The following COL22A1 variants were observed in gnomAD, a reference collection of about 807,000 sequenced individuals.
COL22A1 encodes collagen alpha-1(XXII) chain.
Under a neutral mutation model 248.9 loss-of-function variants are expected in COL22A1, and 221 were observed. The ratio of observed to expected loss-of-function variants is 0.89; its 90% CI spans 0.80 to 0.99. COL22A1 has a LOEUF of 0.99. Among genes scored for constraint, COL22A1 ranks in the 50% least tolerant of loss-of-function variants. The pLI, the probability that COL22A1 is intolerant of heterozygous loss-of-function variation, is 0.00. For missense variants in COL22A1, 2,240 were observed against 2,179.0 expected (o/e 1.03, Z -0.56); for synonymous variants, 891 against 793.4 (o/e 1.12, Z -2.07).
chr8:138,677,000 G>GCA (rs1825612705), intron 40 of COL22A1, among the ~76,000 whole-genome samples: 2 of 152,144 alleles, frequency 1.3e-5, no homozygotes, highest in African/African-American at 4.8e-5. Context: ...ATTTGCGCAT[G>GCA]CACCCACATT....
chr8:138,780,892 G>A, intron 13 of COL22A1, 35 bp downstream of exon 13: 2 of 1,586,604 alleles, frequency 1.3e-6, no homozygotes, highest in Non-Finnish European at 1.7e-6. Context: ...GCCTAGTACT[G>A]CCTTGTGAGC....
intron 27 of COL22A1, among the ~76,000 whole-genome samples, chr8:138,718,559 T>C (rs1326628378): frequency 6.6e-6 from 1 of 152,226 alleles, no homozygotes; most frequent in Non-Finnish European, 1.5e-5. Context: ...GCAGACAGCT[T>C]TACCCTCTAA....
intron 14 of COL22A1, 39 bp from the exon 15 acceptor site, chr8:138,778,445 G>C: frequency 6.5e-7 from 1 of 1,539,430 alleles, no homozygotes; most frequent in Non-Finnish European, 8.7e-7. Flanking sequence ...TTCAGGGATG[G>C]AAAAGAAAGG....
chr8:138,692,579 T>C (rs1334916511), intron 35 of COL22A1, among the ~76,000 whole-genome samples: 2 of 151,648 alleles, frequency 1.3e-5, no homozygotes, highest in Non-Finnish European at 2.9e-5. Flanking sequence ...CAATGATCCA[T>C]GACAGGAGAT....
intron 3 of COL22A1, among the ~76,000 whole-genome samples, chr8:138,854,369 G>A (rs2131918920): frequency 6.6e-6 from 1 of 152,274 alleles, no homozygotes; most frequent in African/African-American, 2.4e-5. Flanking sequence ...AATTTCAGTG[G>A]ATTCCATTTA....
At chr8:138,910,135 T>A (rs1363676294) in intron 1 of COL22A1, among the ~76,000 whole-genome samples, 1 of 152,224 alleles carries the variant, frequency 6.6e-6, no homozygotes, top group South Asian at 2.1e-4. Flanking sequence ...GGAATGGTCA[T>A]GTCATATGAT....
chr8:138,648,514 A>T (rs545892295), intron 46 of COL22A1, among the ~76,000 whole-genome samples: 1 of 152,372 alleles, frequency 6.6e-6, no homozygotes, highest in South Asian at 2.1e-4. Flanking sequence ...TACTTTAGAA[A>T]ACAGATCATT....
At chr8:138,901,584 C>A (rs1814577674) in intron 1 of COL22A1, among the ~76,000 whole-genome samples, 1 of 151,958 alleles carries the variant, frequency 6.6e-6, no homozygotes, top group South Asian at 2.1e-4. Flanking sequence ...CTAGGCTGGT[C>A]TCAAATTTCT....
chr8:138,912,765 T>C (rs1253161585), intron 1 of COL22A1, among the ~76,000 whole-genome samples: 1 of 145,350 alleles, frequency 6.9e-6, no homozygotes, highest in African/African-American at 2.5e-5. Flanking sequence ...AAAAAAAAAG[T>C]GTCAGGATGG....
chr8:138,695,476 C>T (rs1156728779), intron 32 of COL22A1, among the ~76,000 whole-genome samples: 4 of 152,094 alleles, frequency 2.6e-5, no homozygotes, highest in Non-Finnish European at 5.9e-5. Flanking sequence ...CCTGGAACTA[C>T]AGGTCCTCAC....
At chr8:138,875,920 G>A (rs1045275290) in intron 3 of COL22A1, among the ~76,000 whole-genome samples, 3 of 152,152 alleles carry the variant, frequency 2.0e-5, no homozygotes, top group Admixed American at 6.5e-5. Flanking sequence ...TCTGGGCATC[G>A]ATTTCCACCT....
At chr8:138,610,790 A>G (rs1818795312) in intron 56 of COL22A1, among the ~76,000 whole-genome samples, 1 of 152,196 alleles carries the variant, frequency 6.6e-6, no homozygotes, top group African/African-American at 2.4e-5. Context: ...CCAGCCAACC[A>G]TGGTGGCTTA....
intron 46 of COL22A1, among the ~76,000 whole-genome samples, chr8:138,648,810 T>C (rs1026807453): frequency 2.0e-5 from 3 of 152,200 alleles, no homozygotes; most frequent in Non-Finnish European, 4.4e-5. Flanking sequence ...AATTACCAGG[T>C]GAATCTAAGA....
intron 21 of COL22A1, 117 bp downstream of exon 21, chr8:138,755,040 G>T: frequency 1.0e-6 from 1 of 1,000,860 alleles, no homozygotes; most frequent in Non-Finnish European, 1.5e-6. Context: ...CCACTCAGGT[G>T]ATGTGAAGGC....
intron 63 of COL22A1, 42 bp from the exon 64 acceptor site, chr8:138,591,543 G>A (rs746235003): frequency 1.6e-5 from 23 of 1,450,068 alleles, no homozygotes; most frequent in Non-Finnish European, 2.0e-5. Flanking sequence ...GAGACCCCCG[G>A]GGAGGACAGA....
At chr8:138,862,560 T>G (rs1301413521) in intron 3 of COL22A1, among the ~76,000 whole-genome samples, 1 of 152,158 alleles carries the variant, frequency 6.6e-6, no homozygotes, top group African/African-American at 2.4e-5. Context: ...CCACTGTGTT[T>G]ATGTCCTACA....
intron 1 of COL22A1, 74 bp from the exon 2 acceptor site, chr8:138,883,318 C>T: frequency 1.3e-6 from 1 of 788,958 alleles, no homozygotes; most frequent in Non-Finnish European, 2.0e-6. Context: ...TGGGCCCTGC[C>T]CAGGGGGATT....
intron 4 of COL22A1, among the ~76,000 whole-genome samples, chr8:138,840,986 T>C (rs1381440992): frequency 6.6e-6 from 1 of 152,190 alleles, no homozygotes; most frequent in African/African-American, 2.4e-5. Context: ...AAATTCATGC[T>C]GAGTTACAGA....
Position 138,662,072 on chromosome 8 carries a change from G to A in COL22A1, c.3198C>T (p.Gly1066=), listed in dbSNP as rs764676231. 1.9e-6 allele frequency: 3 copies of A among 1,612,320 alleles called. No homozygotes were observed. The East Asian group carries it at 6.7e-5, about 36-fold the overall frequency. Residue 1066 remains glycine (G), a synonymous_variant, in exon 43 of 65, where the codon GGC becomes GGT. Transcript: ENST00000303045. The stretch of plus-strand genomic sequence containing the variant: ...CCTGGGGGCCAGGGAATCCAGGTAA[G>A]CCTCGTGATCCCTGAAGAAAAAGAA... ...PGDKGSPGSR[G]LPGFPGPQGP...
Sources: gnomAD v4.1 joint callset for allele counts (sites outside exome capture counted in the v4.1 genomes callset) on GRCh38, gnomAD v4.1.1 for gene constraint, MANE v1.5 for transcripts, NCBI Gene and HGNC (gene_info 2026-07-23, HGNC 2026-07-21) for gene names.